The following ERC1 variants were observed in gnomAD, a reference collection of about 807,000 sequenced individuals.
The protein encoded by ERC1 is ELKS/RAB6-interacting/CAST family member 1.
In ERC1, 56 loss-of-function variants were observed where a neutral mutation model predicts 132.0. That is an observed-to-expected ratio of 0.42 (90% confidence interval 0.34 to 0.53). The LOEUF (loss-of-function observed/expected upper bound fraction) is 0.53, where lower values mean the gene tolerates loss of function less well. Among genes scored for constraint, ERC1 ranks in the 20% least tolerant of loss-of-function variants. The pLI is 0.03. For missense variants in ERC1, 1,202 were observed against 1,349.9 expected (o/e 0.89, Z 1.72); for synonymous variants, 478 against 476.1 (o/e 1.00, Z -0.05).
At chr12:1,194,715 T>A (rs756239351) in intron 12 of ERC1, among the ~76,000 whole-genome samples, 1 of 152,190 alleles carries the variant, frequency 6.6e-6, no homozygotes, top group Admixed American at 6.5e-5. Context: ...AGTATGAGAT[T>A]GTTAGATTCA....
intron 12 of ERC1, among the ~76,000 whole-genome samples, chr12:1,202,135 A>G (rs1439461116): frequency 6.6e-6 from 1 of 152,192 alleles, no homozygotes; most frequent in African/African-American, 2.4e-5. Flanking sequence ...TCCTTGATGA[A>G]TATCATAGAC....
chr12:993,165 G>A (rs1351290605), intron 1 of ERC1, among the ~76,000 whole-genome samples: 1 of 152,172 alleles, frequency 6.6e-6, no homozygotes, highest in Admixed American at 6.5e-5. Context: ...TTAATTAACT[G>A]TATTCAGTTA....
rs1327615491 is a variant in ERC1 at position 1,394,043 on chromosome 12, A to C, written c.2926-14106A>C. Among the ~76,000 whole-genome samples, 8 of 76,776 alleles carry C rather than the reference A, an allele frequency of 1.0e-4. 1 individual carries two copies. Among genetic ancestry groups the C allele is most frequent in the Non-Finnish European group, 2.0e-4 (7 of 34,816 alleles). 50.4% of individuals were successfully genotyped at this position (76,776 alleles called of 152,430 possible). On this transcript the variant is annotated intron_variant, in intron 16 of 18. Coordinates refer to ENST00000360905, the MANE Select transcript of ERC1 (RefSeq NM_178040.4). The stretch of plus-strand genomic sequence containing the variant: ...AAAAAAAAAAAAAAAACAAAAAAAA[A>C]ACCACAAAGCATTAAGCAATTTAAT...
chr12:1,272,176 C>T (rs892722527), intron 14 of ERC1, among the ~76,000 whole-genome samples: 11 of 152,218 alleles, frequency 7.2e-5, no homozygotes, highest in African/African-American at 2.7e-4. Context: ...ACATCTGCCA[C>T]ATTAAAGAGA....
intron 17 of ERC1, among the ~76,000 whole-genome samples, chr12:1,417,562 C>G: frequency 6.6e-6 from 1 of 151,978 alleles, no homozygotes. Flanking sequence ...GGCAGATCAC[C>G]CTAAGGTCAG....
At chr12:1,382,569 G>C (rs12302914) in intron 16 of ERC1, among the ~76,000 whole-genome samples, 17,349 of 152,234 alleles carry the variant, frequency 0.11, 2,443 homozygotes, top group African/African-American at 0.33. Context: ...AAGGCCACAG[G>C]CTGCCTGACT....
chr12:1,164,692 A>G (rs1412133361), intron 8 of ERC1, among the ~76,000 whole-genome samples: 1 of 152,150 alleles, frequency 6.6e-6, no homozygotes, highest in East Asian at 1.9e-4. Context: ...ATGGGGCTCC[A>G]CCTTCTTCCT....
intron 18 of ERC1, among the ~76,000 whole-genome samples, chr12:1,483,643 C>A (rs2094134236): frequency 8.2e-6 from 1 of 121,304 alleles, no homozygotes; most frequent in Admixed American, 9.9e-5. Context: ...AAAGTAAAAT[C>A]AAAACTCCTT....
chr12:1,395,889 TGC>T (rs1407985735), intron 16 of ERC1, among the ~76,000 whole-genome samples: 32 of 151,940 alleles, frequency 2.1e-4, no homozygotes, highest in South Asian at 1.2e-3. Context: ...AATGGTGATG[TGC>T]CCAAGAATAC....
intron 16 of ERC1, among the ~76,000 whole-genome samples, chr12:1,398,661 A>G (rs935277247): frequency 2.0e-5 from 3 of 152,214 alleles, no homozygotes; most frequent in African/African-American, 7.2e-5. Flanking sequence ...TGCTGCTATA[A>G]CAAAGTCGGT....
At chr12:1,393,221 C>T (rs755207248) in intron 16 of ERC1, among the ~76,000 whole-genome samples, 1 of 152,216 alleles carries the variant, frequency 6.6e-6, no homozygotes, top group Non-Finnish European at 1.5e-5. Flanking sequence ...AAAATTCCCT[C>T]AGAACATCTA....
At chr12:1,471,144 G>A (rs929087355) in intron 18 of ERC1, among the ~76,000 whole-genome samples, 1 of 152,148 alleles carries the variant, frequency 6.6e-6, no homozygotes, top group Non-Finnish European at 1.5e-5. Flanking sequence ...GATAAAACCT[G>A]CTGAGCATGG....
intron 18 of ERC1, chr12:1,480,696 C>T (rs1228299109): frequency 5.5e-6 from 3 of 548,240 alleles, no homozygotes; most frequent in Non-Finnish European, 9.6e-6. Context: ...CTAAAGGGGC[C>T]TGCCTTGAGG....
In ERC1 at chr12:1,359,009, T is replaced by G. The variant is rs112609931; in HGVS notation, c.2781-12824T>G. On this transcript the variant is annotated intron_variant, in intron 15 of 18. Coordinates refer to ENST00000360905, the MANE Select transcript of ERC1 (RefSeq NM_178040.4). Reference sequence around the variant, plus strand: ...TTTTCATTCTGGTGTTTGGGAGTAATTTTCTGGAGGAAAATGTCACTGATA... The same window carrying G: ...TTTTCATTCTGGTGTTTGGGAGTAAGTTTCTGGAGGAAAATGTCACTGATA... 7.7e-4 allele frequency among the ~76,000 whole-genome samples: 117 copies of G among 152,340 alleles called. 2 individuals carry two copies. Among genetic ancestry groups the G allele is most frequent in the African/African-American group, 2.6e-3 (110 of 41,582 alleles).
chr12:1,295,924 T>G (rs2154342490), intron 15 of ERC1, among the ~76,000 whole-genome samples: 1 of 147,698 alleles, frequency 6.8e-6, no homozygotes, highest in African/African-American at 2.5e-5. Flanking sequence ...TTACCAGACA[T>G]GCAAAGAATC....
intron 3 of ERC1, among the ~76,000 whole-genome samples, chr12:1,094,594 A>G (rs1200307770): frequency 6.6e-6 from 1 of 152,004 alleles, no homozygotes; most frequent in African/African-American, 2.4e-5. Context: ...TATTTTTAGT[A>G]GAAATGGGGT....
At chr12:1,480,716 A>G in intron 18 of ERC1, 1 of 636,950 alleles carries the variant, frequency 1.6e-6, no homozygotes. Context: ...GAGGTGAGGA[A>G]GATAAGCAGG....
At chr12:1,327,110 C>T (rs1555361929) in intron 15 of ERC1, among the ~76,000 whole-genome samples, 1 of 152,166 alleles carries the variant, frequency 6.6e-6, no homozygotes, top group Non-Finnish European at 1.5e-5. Flanking sequence ...TACCACATTA[C>T]TGGCCTTGTT....
chr12:1,289,084 TACACACACACACACACACACACACAC>T (rs57334239), intron 14 of ERC1, among the ~76,000 whole-genome samples: 7 of 102,880 alleles, frequency 6.8e-5, no homozygotes, highest in African/African-American at 2.6e-4. Flanking sequence ...ATCTGGTATG[TACACACACACACACACACACACACAC>T]ACACACACAC....
Sources: allele counts gnomAD v4.1 joint callset (sites outside exome capture counted in the v4.1 genomes callset), GRCh38; gene constraint gnomAD v4.1.1; transcripts MANE v1.5; gene names NCBI Gene and HGNC (gene_info 2026-07-23, HGNC 2026-07-21).